The following SMPD4 variants were observed in gnomAD, a reference collection of about 807,000 sequenced individuals.
SMPD4 encodes neutral sphingomyelinase 3.
A neutral mutation model predicts 97.8 loss-of-function variants in SMPD4; 58 were observed. That is an observed-to-expected ratio of 0.59 (90% CI 0.48 to 0.74). The LOEUF (loss-of-function observed/expected upper bound fraction) is 0.74, where lower values mean the gene tolerates loss of function less well. Among genes scored for constraint, SMPD4 ranks in the 30% least tolerant of loss-of-function variants. The pLI, the probability that SMPD4 is intolerant of heterozygous loss-of-function variation, is 0.00. For synonymous variants in SMPD4, 388 were observed against 450.0 expected (o/e 0.86, Z 1.74); for missense variants, 853 against 1,080.5 (o/e 0.79, Z 2.95).
chr2:130,155,403 C>G, intron 14 of SMPD4, 144 bp from the exon 15 acceptor site: 1 of 1,121,854 alleles, frequency 8.9e-7, no homozygotes, highest in Admixed American at 2.4e-5. Context: ...CAGATGACAG[C>G]TCAGGGGGCC....
At chr2:130,175,834 G>A (rs1184126217) in intron 2 of SMPD4, among the ~76,000 whole-genome samples, 2 of 152,228 alleles carry the variant, frequency 1.3e-5, no homozygotes, top group African/African-American at 2.4e-5. Flanking sequence ...ATGGAGACCT[G>A]AGCTATCTGG....
At chr2:130,159,204 A>C (rs1448136358) in intron 11 of SMPD4, among the ~76,000 whole-genome samples, 1 of 152,104 alleles carries the variant, frequency 6.6e-6, no homozygotes, top group Non-Finnish European at 1.5e-5. Flanking sequence ...CATGTTGCCC[A>C]GGCTGGTCTC....
At chr2:130,153,666 C>A (rs1425111881) in intron 17 of SMPD4, 36 bp downstream of exon 17, 15 of 1,605,522 alleles carry the variant, frequency 9.3e-6, no homozygotes, top group Non-Finnish European at 1.3e-5. Flanking sequence ...GGGAAGGGGA[C>A]CCTGATGGCG....
intron 9 of SMPD4, among the ~76,000 whole-genome samples, chr2:130,166,308 CAAAAAAAAAAAAA>C (rs56226182): frequency 4.9e-5 from 3 of 60,924 alleles, no homozygotes; most frequent in East Asian, 4.8e-4. Context: ...GACTCCATCT[CAAAAAAAAAAAAA>C]AAAAAAAAAA....
Position 130,154,392 on chromosome 2 carries a change from G to A in SMPD4, c.1544C>T (p.Ser515Leu), listed in dbSNP as rs774052684. 15 of 1,606,350 alleles carry A rather than the reference G, an allele frequency of 9.3e-6. No individual in the cohort carries two copies. In the East Asian group the frequency reaches 3.1e-4, roughly 34 times the overall value. ...TAPTFTGSFL[S>L]PWPPAVTDAS... ...ATCAGTGACCGCTGGTGGCCAGGGT[G>A]ACAGGAAGCTCCCAGTGAATGTGGG... is the stretch of plus-strand genomic sequence containing the variant. The change falls in exon 16 of 20, where the codon TCA becomes TTA. Residue 515 changes from serine to leucine, a missense_variant. Physicochemically the swap from Ser to Leu is moderately radical, Grantham distance 145. Coordinates refer to ENST00000680298, the MANE Select transcript of SMPD4 (RefSeq NM_017951.5).
At chr2:130,162,734 C>T (rs533750052) in intron 10 of SMPD4, among the ~76,000 whole-genome samples, 46 of 152,194 alleles carry the variant, frequency 3.0e-4, no homozygotes, top group Non-Finnish European at 4.4e-4. Context: ...CCTGGACAAG[C>T]GGCAAGAAGC....
At chr2:130,176,776 C>T in intron 1 of SMPD4, 139 bp from the exon 2 acceptor site, 1 of 644,290 alleles carries the variant, frequency 1.6e-6, no homozygotes, top group Non-Finnish European at 2.7e-6. Context: ...CAACCTCAAA[C>T]TCCTGGGTTC....
At position 130,156,021 on chromosome 2, in the gene SMPD4, G is replaced by A; in HGVS notation, c.1289+14C>T. On this transcript the variant is annotated intron_variant, in intron 14 of 19. Transcript: ENST00000680298. Reference sequence around the variant, plus strand: ...GGAGCCAGTGGCATGTCTGTGAGAGGAGCTGAGGCTCACCATTTCTCCGAC... The same window carrying A: ...GGAGCCAGTGGCATGTCTGTGAGAGAAGCTGAGGCTCACCATTTCTCCGAC... The A allele has an allele frequency of 6.2e-7, 1 of 1,609,580 alleles. No homozygotes were observed.
intron 15 of SMPD4, 116 bp downstream of exon 15, chr2:130,154,980 C>T (rs926214365): frequency 1.8e-5 from 25 of 1,354,924 alleles, no homozygotes; most frequent in African/African-American, 1.0e-4. Context: ...CACCCTTTGC[C>T]GGGGCCCACT....
At position 130,176,582 on chromosome 2, in the gene SMPD4, G is replaced by A. The variant is rs1293428064; in HGVS notation, c.11C>T (p.Pro4Leu). 6.2e-7 allele frequency: 1 copy of A among 1,613,446 alleles called. No individual in the cohort carries two copies. Among genetic ancestry groups the A allele is most frequent in the Non-Finnish European group, 8.5e-7 (1 of 1,179,686 alleles). ...TAGAAAGCTGGGCTGCTGCAGGTGA[G>A]GGAACGCCATAGCAGCCTCCAGTGG... Reference protein sequence around the residue: MAFPHLQQPSFLLA... With the variant: MAFLHLQQPSFLLA... Residue 4 changes from proline to leucine, a missense_variant, in exon 2 of 20, where the codon CCT (proline) becomes CTT (leucine). Physicochemically the swap from Pro to Leu is moderately conservative, Grantham distance 98 (BLOSUM62 -3). Around this residue, in one of 3 missense-constraint regions of SMPD4, gnomAD observed 313 missense variants for 402.2 expected, o/e 0.78. Coordinates refer to ENST00000680298, the MANE Select transcript of SMPD4 (RefSeq NM_017951.5).
chr2:130,181,308 G>A, intron 1 of SMPD4: 3 of 1,422,262 alleles, frequency 2.1e-6, no homozygotes, highest in Non-Finnish European at 2.7e-6. Flanking sequence ...GACCGGGACA[G>A]AGTGTACGAG....
intron 11 of SMPD4, among the ~76,000 whole-genome samples, chr2:130,160,846 G>C (rs1687328739): frequency 6.6e-6 from 1 of 152,162 alleles, no homozygotes. Flanking sequence ...CACTGCTGAG[G>C]CCTGAGGACT....
rs377751285 is a variant in SMPD4, at chr2:130,154,265, C to A, written c.1659+12G>T. The A allele has an allele frequency of 6.3e-7, 1 of 1,580,670 alleles. No homozygotes were observed. Among genetic ancestry groups the A allele is most frequent in the Non-Finnish European group, 8.6e-7 (1 of 1,162,222 alleles). Reference sequence around the variant, plus strand: ...CAGGGGCCCTGAGGACAGGCACCGCCGAACCACTCACCAGGGTGCGGGCCT... The same window carrying A: ...CAGGGGCCCTGAGGACAGGCACCGCAGAACCACTCACCAGGGTGCGGGCCT... On this transcript the variant is annotated intron_variant, in intron 16 of 19. Transcript: ENST00000680298.
At chr2:130,169,563 T>TC in intron 8 of SMPD4, among the ~76,000 whole-genome samples, 1 of 151,866 alleles carries the variant, frequency 6.6e-6, no homozygotes, top group East Asian at 1.9e-4. Flanking sequence ...TATGAAAGTT[T>TC]CTTTTTTTTT....
chr2:130,152,880 G>A lies in SMPD4; in HGVS notation c.2159C>T (p.Ala720Val), dbSNP rs547255577. ...RLSSAINHRF[A>V]GQMAALCSRD... is the part of the protein sequence containing the mutation. ...GGAACACAGAGCCGCCATCTGTCCTGCAAACTGAAGCACAGACAGAGGCAC... is the reference window on the plus strand; with the variant it reads ...GGAACACAGAGCCGCCATCTGTCCTACAAACTGAAGCACAGACAGAGGCAC... Residue 720 changes from alanine to valine, a missense_variant, in exon 20 of 20, where the codon GCA becomes GTA. Ala to Val is a moderately conservative substitution (Grantham distance 64). Transcript: ENST00000680298. The A allele has an allele frequency of 4.2e-5, 66 of 1,581,054 alleles. No homozygotes were observed. The East Asian group carries it at 1.5e-3, about 35-fold the overall frequency.
At chr2:130,157,154 T>C in intron 12 of SMPD4, 97 bp downstream of exon 12, 1 of 1,468,150 alleles carries the variant, frequency 6.8e-7, no homozygotes. Flanking sequence ...CCCCTCACCC[T>C]GCCCTCCATG....
At chr2:130,165,426 C>A (rs577096485) in intron 9 of SMPD4, among the ~76,000 whole-genome samples, 35 of 138,590 alleles carry the variant, frequency 2.5e-4, no homozygotes, top group Admixed American at 3.6e-4. Context: ...AACTCGGTCT[C>A]AAAAAAAAAA....
chr2:130,171,872 TGA>T (rs1688498819), intron 8 of SMPD4, among the ~76,000 whole-genome samples: 1 of 152,336 alleles, frequency 6.6e-6, no homozygotes, highest in South Asian at 2.1e-4. Context: ...CAGCCAGGCA[TGA>T]GAGCCCCTGG....
intron 1 of SMPD4, among the ~76,000 whole-genome samples, chr2:130,179,916 G>C (rs1042809432): frequency 1.3e-5 from 2 of 151,754 alleles, no homozygotes; most frequent in Non-Finnish European, 2.9e-5. Flanking sequence ...GCCTCCCAAA[G>C]TGCAGAGATT....
Sources: allele counts gnomAD v4.1 joint callset (sites outside exome capture counted in the v4.1 genomes callset), GRCh38; gene constraint gnomAD v4.1.1; regional missense constraint gnomAD v4.1.1; transcripts MANE v1.5; gene names NCBI Gene and HGNC (gene_info 2026-07-23, HGNC 2026-07-21).